The following OTOG variants were observed in gnomAD, a reference collection of about 807,000 sequenced individuals.
OTOG encodes the protein otogelin.
A neutral mutation model predicts 313.8 loss-of-function variants in OTOG; 296 were observed. The observed-to-expected ratio is 0.94, with a 90% CI of 0.86 to 1.04. OTOG has a LOEUF of 1.04. Ranked by LOEUF, OTOG falls within the 50% of genes least tolerant of loss-of-function variation. The pLI, the probability that OTOG is intolerant of heterozygous loss-of-function variation, is 0.00. For missense variants in OTOG, 3,948 were observed against 3,840.1 expected (o/e 1.03, Z -0.74); for synonymous variants, 1,533 against 1,554.9 (o/e 0.99, Z 0.33).
intron 44 of OTOG, 114 bp from the exon 45 acceptor site, chr11:17,634,730 G>C: frequency 1.2e-6 from 1 of 826,334 alleles, no homozygotes. Flanking sequence ...TGGGGGCTGG[G>C]GGGAGGAGTG....
chr11:17,638,101 G>A (rs552618235), intron 47 of OTOG, among the ~76,000 whole-genome samples: 1 of 152,248 alleles, frequency 6.6e-6, no homozygotes, highest in Non-Finnish European at 1.5e-5. Flanking sequence ...GGGTGGGAAA[G>A]GTTGTGTTAG....
chr11:17,590,733 C>T (rs1159719781), intron 24 of OTOG, among the ~76,000 whole-genome samples: 1 of 152,202 alleles, frequency 6.6e-6, no homozygotes, highest in Non-Finnish European at 1.5e-5. Context: ...TCCTCTTCTA[C>T]TCTCTTGCCC....
Position 17,610,393 on chromosome 11 carries a change from CTG to C in OTOG, c.5096_5097del (p.Val1699GlyfsTer81), listed in dbSNP as rs769820721. 2.6e-6 allele frequency: 4 copies of C among 1,550,302 alleles called. No individual in the cohort carries two copies. In the South Asian group the frequency reaches 4.8e-5, roughly 18 times the overall value. On this transcript the variant is annotated frameshift_variant, in exon 36 of 56. Coordinates refer to ENST00000399397, the MANE Select transcript of OTOG (RefSeq NM_001292063.2). LOFTEE classifies it high-confidence loss of function. ...GCTTCAAGTCCCAGCACCCCTCTAA[CTG>C]TGGCTGGAACAGCAGCAGAACAGGT...
At position 17,547,502 on chromosome 11, in the gene OTOG, C is replaced by T. The variant is rs1216368455; in HGVS notation, c.94+36C>T. On this transcript the variant is annotated intron_variant, in intron 1 of 55. Transcript: ENST00000399397. ...TGTGGACTCAGGGAGGTCGGGGGCTCGAGGAATGAGAAACGTTAAAGGAAT... is the reference window on the plus strand; with the variant it reads ...TGTGGACTCAGGGAGGTCGGGGGCTTGAGGAATGAGAAACGTTAAAGGAAT... 30 of 1,319,254 alleles carry T rather than the reference C, an allele frequency of 2.3e-5. No homozygotes were observed. Among genetic ancestry groups the T allele is most frequent in the African/African-American group, 3.1e-5 (2 of 65,054 alleles). 81.7% of individuals were successfully genotyped at this position (1,319,254 alleles called of 1,614,324 possible).
chr11:17,553,404 C>G lies in OTOG; in HGVS notation c.425C>G (p.Ala142Gly). ...CCTGAGAGGGACAGCATTTGCCGGG[C>G]GTGGGGGCAGCACCACGTGGAGACA... ...AGPERDSICR[A>G]WGQHHVETFD... Residue 142 changes from alanine (A) to glycine (G), a missense_variant, in exon 6 of 56, where the codon GCG becomes GGG. Ala to Gly is a moderately conservative substitution (Grantham distance 60, BLOSUM62 0). Coordinates refer to ENST00000399397, the MANE Select transcript of OTOG (RefSeq NM_001292063.2). 1 of 1,466,974 alleles carries G rather than the reference C, an allele frequency of 6.8e-7. No individual in the cohort carries two copies. Among genetic ancestry groups the G allele is most frequent in the South Asian group, 1.4e-5 (1 of 69,946 alleles). The allele number at this position is 1,466,974 out of a possible 1,614,324, so 90.9% of individuals were successfully genotyped here. A position where few individuals can be genotyped will look rare whatever the true frequency, so the allele number is the denominator to read the frequency against.
At chr11:17,579,740 G>A (rs1852623257) in intron 23 of OTOG, among the ~76,000 whole-genome samples, 1 of 152,176 alleles carries the variant, frequency 6.6e-6, no homozygotes, top group Non-Finnish European at 1.5e-5. Context: ...TCAGCCTGAG[G>A]TCAGGAAAAG....
intron 34 of OTOG, 80 bp from the exon 35 acceptor site, chr11:17,609,050 G>A: frequency 8.9e-7 from 1 of 1,123,614 alleles, no homozygotes. Context: ...GAAAGGATAA[G>A]GCCTGTGCTC....
rs998304987 is a variant in OTOG at position 17,635,595 on chromosome 11, C to T, written c.7694-15C>T. On this transcript the variant is annotated splice_polypyrimidine_tract_variant and intron_variant, in intron 46 of 55. Transcript: ENST00000399397. ...AGAGGACTGCTGTGACAGCATTGACCCTCTTCCCCCTCAGCCTGTGGTGAC... is the reference window on the plus strand; with the variant it reads ...AGAGGACTGCTGTGACAGCATTGACTCTCTTCCCCCTCAGCCTGTGGTGAC... 6.5e-7 allele frequency: 1 copy of T among 1,544,098 alleles called. No homozygotes were observed. Among genetic ancestry groups the T allele is most frequent in the South Asian group, 1.2e-5 (1 of 83,926 alleles).
At chr11:17,600,693 T>C (rs543131373) in intron 31 of OTOG, among the ~76,000 whole-genome samples, 1 of 152,280 alleles carries the variant, frequency 6.6e-6, no homozygotes, top group South Asian at 2.1e-4. Context: ...GGTAAAGGAA[T>C]GAGCCTGCAA....
At chr11:17,577,921 T>C (rs944325111) in intron 22 of OTOG, among the ~76,000 whole-genome samples, 11 of 140,836 alleles carry the variant, frequency 7.8e-5, no homozygotes, top group Admixed American at 7.0e-5. Context: ...TCCTTGTCAT[T>C]CAGAGTCCTC....
intron 15 of OTOG, among the ~76,000 whole-genome samples, chr11:17,564,684 A>C (rs933107405): frequency 1.3e-5 from 2 of 152,214 alleles, no homozygotes; most frequent in Non-Finnish European, 2.9e-5. Context: ...TGACAATGAT[A>C]AAATATTTGC....
In OTOG at chr11:17,579,832, G is replaced by A. The variant is rs117928268; in HGVS notation, c.2759+1306G>A. Among the ~76,000 whole-genome samples, 960 of 152,310 alleles carry A rather than the reference G, an allele frequency of 6.3e-3. 6 individuals are homozygous for A. Among genetic ancestry groups the A allele is most frequent in the Non-Finnish European group, 0.01 (686 of 68,016 alleles). ...GCCACAGAGACACAGTGGAAGGGGC[G>A]CTGGACTGGAGACCGGGAGACCGGG... is the stretch of plus-strand genomic sequence containing the variant. On this transcript the variant is annotated intron_variant, in intron 23 of 55. Coordinates refer to ENST00000399397, the MANE Select transcript of OTOG (RefSeq NM_001292063.2).
At position 17,643,510 on chromosome 11, in the gene OTOG, A is replaced by C; in HGVS notation, c.8461+4A>C. ...TTGGAAGGATGCTGCAGGACCTGTG[A>C]GTGAGCATGGTGGGGGCCCAGGGGT... On this transcript the variant is annotated splice_donor_region_variant and intron_variant, in intron 54 of 55. Coordinates refer to ENST00000399397, the MANE Select transcript of OTOG (RefSeq NM_001292063.2). 2.4e-6 allele frequency: 3 copies of C among 1,250,038 alleles called. No individual in the cohort carries two copies. Among genetic ancestry groups the C allele is most frequent in the Non-Finnish European group, 2.1e-6 (2 of 940,428 alleles). The allele number at this position is 1,250,038 out of a possible 1,614,324, so 77.4% of individuals were successfully genotyped here.
chr11:17,554,444 T>A (rs918981043), intron 6 of OTOG, among the ~76,000 whole-genome samples: 2 of 152,340 alleles, frequency 1.3e-5, no homozygotes, highest in Admixed American at 1.3e-4. Context: ...TTTTCATGCC[T>A]AACCTGTGTG....
chr11:17,638,752 A>T, intron 48 of OTOG: 3 of 1,540,536 alleles, frequency 1.9e-6, no homozygotes, highest in Non-Finnish European at 2.6e-6. Context: ...TCTCTAGGAT[A>T]AAAGAAGGAA....
intron 22 of OTOG, 107 bp downstream of exon 22, chr11:17,577,018 C>T: frequency 8.5e-7 from 1 of 1,180,246 alleles, no homozygotes; most frequent in Non-Finnish European, 1.2e-6. Context: ...CAGGTTTTGC[C>T]CTACATTGGG....
intron 12 of OTOG, among the ~76,000 whole-genome samples, chr11:17,560,418 T>C (rs955522409): frequency 2.6e-5 from 4 of 152,148 alleles, no homozygotes; most frequent in African/African-American, 9.7e-5. Context: ...GCACCTAAGC[T>C]GTTTTTGATG....
chr11:17,631,723 C>G lies in OTOG; in HGVS notation c.6734C>G (p.Ala2245Gly), dbSNP rs1854131473. Residue 2245 changes from alanine to glycine, a missense_variant, in exon 41 of 56, where the codon GCC (alanine) becomes GGC (glycine). Coordinates refer to ENST00000399397, the MANE Select transcript of OTOG (RefSeq NM_001292063.2). ...TCAGGTATCTGTGATGGAGATGCAGCCAATGACCTTACCCTGAAGGATGGC... is the reference window on the plus strand; with the variant it reads ...TCAGGTATCTGTGATGGAGATGCAGGCAATGACCTTACCCTGAAGGATGGC... ...GLCGICDGDAANDLTLKDGSV... is the reference protein window; with the variant it reads ...GLCGICDGDAGNDLTLKDGSV... 2 of 1,550,536 alleles carry G rather than the reference C, an allele frequency of 1.3e-6. No individual in the cohort carries two copies. Among genetic ancestry groups the G allele is most frequent in the Non-Finnish European group, 1.7e-6 (2 of 1,146,970 alleles).
rs1853474425 is a variant in OTOG, at chr11:17,609,647, C to G, written c.4355-8C>G. 6.8e-7 allele frequency: 1 copy of G among 1,474,376 alleles called. No individual in the cohort carries two copies. Among genetic ancestry groups the G allele is most frequent in the Non-Finnish European group, 9.0e-7 (1 of 1,107,758 alleles). The allele number at this position is 1,474,376 out of a possible 1,614,324, so 91.3% of individuals were successfully genotyped here. ...CCGCCTTCTGAACCTCTTCTTTTGTCTCCGCAGGTGTGGAGCCAGCAGTTT... is the reference window on the plus strand; with the variant it reads ...CCGCCTTCTGAACCTCTTCTTTTGTGTCCGCAGGTGTGGAGCCAGCAGTTT... On this transcript the variant is annotated splice_region_variant and splice_polypyrimidine_tract_variant and intron_variant, in intron 35 of 55. Coordinates refer to ENST00000399397, the MANE Select transcript of OTOG (RefSeq NM_001292063.2).
Sources: gnomAD v4.1 joint callset for allele counts (sites outside exome capture counted in the v4.1 genomes callset) on GRCh38, gnomAD v4.1.1 for gene constraint, MANE v1.5 for transcripts, NCBI Gene and HGNC (gene_info 2026-07-23, HGNC 2026-07-21) for gene names.